The following SPAG16 variants were observed in gnomAD, a reference collection of about 807,000 sequenced individuals.
SPAG16 encodes sperm-associated antigen 16 protein.
In SPAG16, 86 loss-of-function variants were observed where a neutral mutation model predicts 80.4. That is an observed-to-expected ratio of 1.07 (90% CI 0.90 to 1.28). The LOEUF (loss-of-function observed/expected upper bound fraction) is 1.28. Among genes scored for constraint, SPAG16 ranks in the 50% most tolerant of loss-of-function variants. SPAG16 has a pLI of 0.00. For synonymous variants in SPAG16, 294 were observed against 265.9 expected (o/e 1.11, Z -1.03); for missense variants, 870 against 765.3 (o/e 1.14, Z -1.61).
At chr2:214,345,672 G>T (rs1238644475) in intron 15 of SPAG16, among the ~76,000 whole-genome samples, 2 of 151,948 alleles carry the variant, frequency 1.3e-5, no homozygotes, top group African/African-American at 4.8e-5. Flanking sequence ...CACCTCAAAA[G>T]CCACCCACAA....
intron 13 of SPAG16, among the ~76,000 whole-genome samples, chr2:214,067,030 A>C (rs1161073793): frequency 1.3e-5 from 2 of 152,164 alleles, no homozygotes; most frequent in Non-Finnish European, 1.5e-5. Context: ...AGCGCTGGGC[A>C]CAATGGCACT....
intron 10 of SPAG16, among the ~76,000 whole-genome samples, chr2:213,687,372 C>T (rs1574814008): frequency 6.6e-6 from 1 of 152,104 alleles, no homozygotes; most frequent in Admixed American, 6.5e-5. Context: ...ATCTTCATTT[C>T]TTTGAGGGAA....
At chr2:213,451,691 A>G (rs2071699667) in intron 9 of SPAG16, among the ~76,000 whole-genome samples, 1 of 152,152 alleles carries the variant, frequency 6.6e-6, no homozygotes, top group Non-Finnish European at 1.5e-5. Flanking sequence ...CAGGGTTTAT[A>G]TAAATGGGCT....
intron 11 of SPAG16, among the ~76,000 whole-genome samples, chr2:213,925,967 T>C (rs1351785957): frequency 6.6e-6 from 1 of 152,200 alleles, no homozygotes; most frequent in Admixed American, 6.5e-5. Context: ...TAAAAATTTC[T>C]TTTTATTGAC....
intron 10 of SPAG16, among the ~76,000 whole-genome samples, chr2:213,593,195 T>C (rs542397239): frequency 6.6e-6 from 1 of 152,320 alleles, no homozygotes; most frequent in East Asian, 1.9e-4. Flanking sequence ...ATTGGAGTTC[T>C]ATTTCAATAT....
rs78219247 is a variant in SPAG16, at chr2:213,584,740, C to G, written c.1070+94650C>G. ...TTTGGAAAAGGGAACTTAACCATTT[C>G]TAAAACTCATTCATCAATATTGTTC... On this transcript the variant is annotated intron_variant, in intron 10 of 15. Coordinates refer to ENST00000331683, the MANE Select transcript of SPAG16 (RefSeq NM_024532.5). Among the ~76,000 whole-genome samples, 919 of 152,244 alleles carry G rather than the reference C, an allele frequency of 6.0e-3. 10 individuals are homozygous for G. Among genetic ancestry groups the G allele is most frequent in the African/African-American group, 0.021 (873 of 41,542 alleles).
chr2:213,716,224 C>A (rs1474452301), intron 10 of SPAG16, among the ~76,000 whole-genome samples: 1 of 151,982 alleles, frequency 6.6e-6, no homozygotes, highest in East Asian at 1.9e-4. Context: ...ATTCAATTTG[C>A]TGCAAAACTC....
chr2:214,377,614 G>A (rs1285849920), intron 15 of SPAG16, among the ~76,000 whole-genome samples: 1 of 148,776 alleles, frequency 6.7e-6, no homozygotes, highest in East Asian at 1.9e-4. Context: ...TTACGTTATT[G>A]GTAACGCTTC....
intron 15 of SPAG16, among the ~76,000 whole-genome samples, chr2:214,345,305 C>G (rs989858318): frequency 2.0e-5 from 3 of 152,094 alleles, no homozygotes; most frequent in Non-Finnish European, 4.4e-5. Flanking sequence ...GGTCCCTGGC[C>G]TGATCACAGA....
At chr2:213,339,894 C>A (rs1291745663) in intron 5 of SPAG16, among the ~76,000 whole-genome samples, 1 of 152,110 alleles carries the variant, frequency 6.6e-6, no homozygotes, top group Non-Finnish European at 1.5e-5. Flanking sequence ...CATGTTCTGG[C>A]AGCATACCTT....
At chr2:214,023,929 T>C (rs1271235800) in intron 13 of SPAG16, among the ~76,000 whole-genome samples, 1 of 151,682 alleles carries the variant, frequency 6.6e-6, no homozygotes, top group South Asian at 2.1e-4. Context: ...ACTATGTCCA[T>C]TGAAAAATAA....
At chr2:213,788,790 T>C (rs796977941) in intron 10 of SPAG16, among the ~76,000 whole-genome samples, 2 of 151,988 alleles carry the variant, frequency 1.3e-5, no homozygotes, top group African/African-American at 4.8e-5. Flanking sequence ...TCTAAACCCA[T>C]CTCTCAGCTC....
intron 11 of SPAG16, among the ~76,000 whole-genome samples, chr2:213,869,265 A>AAAAAAAAAAAAAATATATATATACG (rs1491244962): frequency 1.2e-4 from 3 of 24,804 alleles, no homozygotes; most frequent in Non-Finnish European, 8.4e-4. Context: ...AAAAAAAAAA[A>AAAAAAAAAAAAAATATATATATACG]TATATATATA....
intron 9 of SPAG16, among the ~76,000 whole-genome samples, chr2:213,422,960 CA>C (rs1274522637): frequency 6.6e-6 from 1 of 152,216 alleles, no homozygotes; most frequent in Non-Finnish European, 1.5e-5. Flanking sequence ...CAGGGATTTC[CA>C]TGACAGCAAG....
chr2:214,331,069 T>C (rs1454260991), intron 15 of SPAG16, among the ~76,000 whole-genome samples: 1 of 152,204 alleles, frequency 6.6e-6, no homozygotes, highest in African/African-American at 2.4e-5. Context: ...TCCATCACCC[T>C]GGGCTATCAT....
intron 15 of SPAG16, among the ~76,000 whole-genome samples, chr2:214,279,764 A>G (rs940280377): frequency 6.6e-6 from 1 of 152,238 alleles, no homozygotes; most frequent in African/African-American, 2.4e-5. Context: ...CAAGATATAT[A>G]CTAAGCCATA....
intron 10 of SPAG16, among the ~76,000 whole-genome samples, chr2:213,559,468 T>G (rs763258431): frequency 6.6e-6 from 1 of 152,182 alleles, no homozygotes; most frequent in Non-Finnish European, 1.5e-5. Context: ...TAGACCATTT[T>G]TACATAAATT....
At chr2:213,665,369 T>A (rs1360184635) in intron 10 of SPAG16, among the ~76,000 whole-genome samples, 1 of 152,060 alleles carries the variant, frequency 6.6e-6, no homozygotes. Context: ...CCATGCTGGA[T>A]AAACACACAC....
chr2:213,623,976 A>C (rs1004334896), intron 10 of SPAG16, among the ~76,000 whole-genome samples: 1 of 152,122 alleles, frequency 6.6e-6, no homozygotes, highest in African/African-American at 2.4e-5. Flanking sequence ...ATTAAGTTAA[A>C]CACAATTTAT....
Sources: gnomAD v4.1 joint callset for allele counts (sites outside exome capture counted in the v4.1 genomes callset) on GRCh38, gnomAD v4.1.1 for gene constraint, MANE v1.5 for transcripts, NCBI Gene and HGNC (gene_info 2026-07-23, HGNC 2026-07-21) for gene names.